The following HMGCLL1 variants were observed in gnomAD, a reference collection of about 807,000 sequenced individuals.
HMGCLL1 encodes the protein 3-hydroxymethyl-3-methylglutaryl-CoA lyase, cytoplasmic.
In HMGCLL1, 36 loss-of-function variants were observed where a neutral mutation model predicts 39.1. The ratio of observed to expected loss-of-function variants is 0.92; its 90% CI spans 0.71 to 1.22. The LOEUF is 1.22. Among genes scored for constraint, HMGCLL1 ranks in the 50% most tolerant of loss-of-function variants. HMGCLL1 has a pLI of 0.00. For synonymous variants in HMGCLL1, 149 were observed against 144.0 expected (o/e 1.03, Z -0.25); for missense variants, 451 against 416.5 (o/e 1.08, Z -0.72).
chr6:55,580,201 G>GTT (rs1414114529), upstream of HMGCLL1, among the ~76,000 whole-genome samples: 1 of 151,370 alleles, frequency 6.6e-6, no homozygotes, highest in Non-Finnish European at 1.5e-5. Context: ...CCACTTGTGT[G>GTT]TTGCATGGGT....
rs573156568 is a variant in HMGCLL1, at chr6:55,573,558, A to T, written c.108+5390T>A. 1.1e-4 allele frequency among the ~76,000 whole-genome samples: 17 copies of T among 152,288 alleles called. 1 individual carries two copies. Among genetic ancestry groups the T allele is most frequent in the African/African-American group, 3.8e-4 (16 of 41,588 alleles). On this transcript the variant is annotated intron_variant, in intron 1 of 8. Transcript: ENST00000274901. ...ATAACTGAAATTAAGAACTCAATAA[A>T]TTAGATTAACAGCAAATTAAACAAA... is the stretch of plus-strand genomic sequence containing the variant.
chr6:55,623,786 T>C, the HMGCLL1 span, among the ~76,000 whole-genome samples: 4 of 151,828 alleles, frequency 2.6e-5, no homozygotes, highest in Non-Finnish European at 5.9e-5. Flanking sequence ...GTATATACAC[T>C]CACCATTTGG....
At chr6:55,678,811 A>G in the HMGCLL1 span, among the ~76,000 whole-genome samples, 1 of 152,304 alleles carries the variant, frequency 6.6e-6, no homozygotes, top group Non-Finnish European at 1.5e-5. Flanking sequence ...TGAGAGGTGG[A>G]GGAGTAAGGA....
At chr6:55,540,812 C>A (rs1408447988) in intron 3 of HMGCLL1, among the ~76,000 whole-genome samples, 4 of 151,996 alleles carry the variant, frequency 2.6e-5, no homozygotes, top group East Asian at 3.9e-4. Context: ...TCAGGGAAGG[C>A]AGCACTAGAA....
At chr6:55,471,219 G>C (rs1290851765) in intron 7 of HMGCLL1, among the ~76,000 whole-genome samples, 1 of 151,608 alleles carries the variant, frequency 6.6e-6, no homozygotes, top group African/African-American at 2.4e-5. Flanking sequence ...CCCATTACTG[G>C]GTTTTTCAGT....
the HMGCLL1 span, among the ~76,000 whole-genome samples, chr6:55,644,389 C>A: frequency 6.6e-6 from 1 of 151,946 alleles, no homozygotes; most frequent in Admixed American, 6.6e-5. Context: ...TGTCCAGAAG[C>A]TTTTTACCTT....
chr6:55,454,126 G>T (rs1352579298), intron 7 of HMGCLL1, among the ~76,000 whole-genome samples: 1 of 152,082 alleles, frequency 6.6e-6, no homozygotes, highest in Non-Finnish European at 1.5e-5. Context: ...CTTTGGTAAT[G>T]TTTATATTTA....
chr6:55,559,418 A>G (rs1770828036), intron 1 of HMGCLL1, among the ~76,000 whole-genome samples: 1 of 152,186 alleles, frequency 6.6e-6, no homozygotes, highest in Non-Finnish European at 1.5e-5. Flanking sequence ...CCATCCCCAC[A>G]TCTGAGTGTG....
rs190597282 is a variant in HMGCLL1 at position 55,493,676 on chromosome 6, C to T, written c.795+1743G>A. 1.0e-3 allele frequency among the ~76,000 whole-genome samples: 158 copies of T among 152,162 alleles called. 2 individuals carry two copies. Among genetic ancestry groups the T allele is most frequent in the African/African-American group, 3.8e-3 (156 of 41,538 alleles). ...TTCACACACGTGCACACACACACCA[C>T]AACACATACACACCATTTTAGGATT... On this transcript the variant is annotated intron_variant, in intron 7 of 8. Coordinates refer to ENST00000274901, the MANE Select transcript of HMGCLL1 (RefSeq NM_001042406.2).
chr6:55,614,276 G>C, the HMGCLL1 span, among the ~76,000 whole-genome samples: 93 of 152,238 alleles, frequency 6.1e-4, no homozygotes, highest in African/African-American at 2.1e-3. Context: ...GTTCATGAGA[G>C]TGGAGCCCTA....
the HMGCLL1 span, among the ~76,000 whole-genome samples, chr6:55,617,655 C>T: frequency 7.2e-5 from 11 of 152,022 alleles, no homozygotes; most frequent in Non-Finnish European, 1.3e-4. Flanking sequence ...TGTAGAGCAA[C>T]GACATTTTCA....
chr6:55,512,686 C>T (rs1244305648), intron 5 of HMGCLL1: 1 of 151,990 alleles, frequency 6.6e-6, no homozygotes, highest in South Asian at 2.1e-4. Flanking sequence ...GATTGAAATT[C>T]CAATCATTTC....
In HMGCLL1 at chr6:55,499,094, A is replaced by G. The variant is rs1048738326; in HGVS notation, c.606+142T>C. ...ACTGTTAAAATGAAACTATTAGTTA[A>G]GTGATCAAATATGTCTTCAGGGTTC... On this transcript the variant is annotated intron_variant, in intron 6 of 8. Transcript: ENST00000274901. 19 of 560,790 alleles carry G rather than the reference A, an allele frequency of 3.4e-5. No individual in the cohort carries two copies. The South Asian group carries it at 6.1e-4, about 18-fold the overall frequency. The allele number at this position is 560,790 out of a possible 1,614,324, so 34.7% of individuals were successfully genotyped here.
At chr6:55,531,717 C>T (rs1768687097) in intron 3 of HMGCLL1, among the ~76,000 whole-genome samples, 2 of 152,066 alleles carry the variant, frequency 1.3e-5, no homozygotes, top group African/African-American at 2.4e-5. Context: ...CACTCCCCAT[C>T]ACTCATGTTA....
At chr6:55,642,786 C>T in the HMGCLL1 span, among the ~76,000 whole-genome samples, 1 of 151,984 alleles carries the variant, frequency 6.6e-6, no homozygotes, top group African/African-American at 2.4e-5. Context: ...GACCTTTTCC[C>T]CCATCACCTT....
chr6:55,596,012 T>G, the HMGCLL1 span, among the ~76,000 whole-genome samples: 1 of 152,266 alleles, frequency 6.6e-6, no homozygotes, highest in South Asian at 2.1e-4. Context: ...ATCTACATTG[T>G]GATGGCGTTT....
chr6:55,449,146 T>A (rs1011808845), intron 7 of HMGCLL1, among the ~76,000 whole-genome samples: 1 of 152,230 alleles, frequency 6.6e-6, no homozygotes, highest in Non-Finnish European at 1.5e-5. Flanking sequence ...GTGGCTGAAC[T>A]GTTTATCTGT....
intron 4 of HMGCLL1, among the ~76,000 whole-genome samples, chr6:55,514,531 A>G (rs994733633): frequency 6.6e-6 from 1 of 152,166 alleles, no homozygotes; most frequent in African/African-American, 2.4e-5. Context: ...GCACCCCAAT[A>G]AAACCCTTAT....
intron 1 of HMGCLL1, among the ~76,000 whole-genome samples, chr6:55,558,701 A>T (rs973856069): frequency 6.6e-6 from 1 of 152,160 alleles, no homozygotes; most frequent in African/African-American, 2.4e-5. Flanking sequence ...GCCATCCTGG[A>T]GACTGAGCTT....
Sources: gnomAD v4.1 joint callset for allele counts (sites outside exome capture counted in the v4.1 genomes callset) on GRCh38, gnomAD v4.1.1 for gene constraint, MANE v1.5 for transcripts, NCBI Gene and HGNC (gene_info 2026-07-23, HGNC 2026-07-21) for gene names.